RCSD1: variants seen among roughly 807,000 people sequenced by gnomAD.
The protein encoded by RCSD1 is RCSD domain containing 1.
In RCSD1, 26 loss-of-function variants were observed where a neutral mutation model predicts 42.5. The ratio of observed to expected loss-of-function variants is 0.61; its 90% confidence interval spans 0.45 to 0.85. RCSD1 has a LOEUF of 0.85. Among genes scored for constraint, RCSD1 ranks in the 40% least tolerant of loss-of-function variants. RCSD1 has a pLI of 0.00. For missense variants in RCSD1, 571 were observed against 528.3 expected (o/e 1.08, Z -0.79); for synonymous variants, 220 against 212.2 (o/e 1.04, Z -0.32).
chr1:167,644,197 T>G (rs1025323861), intron 1 of RCSD1, among the ~76,000 whole-genome samples: 30 of 152,108 alleles, frequency 2.0e-4, no homozygotes, highest in African/African-American at 7.0e-4. Flanking sequence ...AAATATGTTT[T>G]GGCTGGGCAC....
At chr1:167,657,738 G>A (rs1018455911) in intron 1 of RCSD1, among the ~76,000 whole-genome samples, 2 of 152,134 alleles carry the variant, frequency 1.3e-5, no homozygotes, top group Middle Eastern at 3.4e-3. Context: ...CAAATCAGAC[G>A]TCCTGGAGAG....
chr1:167,691,771 T>C (rs1410316043), intron 4 of RCSD1, among the ~76,000 whole-genome samples: 1 of 152,156 alleles, frequency 6.6e-6, no homozygotes, highest in African/African-American at 2.4e-5. Context: ...GGCTCTGCAG[T>C]GTCTACCTGA....
intron 1 of RCSD1, among the ~76,000 whole-genome samples, chr1:167,640,945 A>C (rs1274265932): frequency 6.6e-6 from 1 of 152,136 alleles, no homozygotes; most frequent in Non-Finnish European, 1.5e-5. Flanking sequence ...GGATTGGAGG[A>C]GTGAATCCTG....
intron 6 of RCSD1, among the ~76,000 whole-genome samples, chr1:167,698,522 C>A (rs1352506229): frequency 6.6e-6 from 1 of 152,104 alleles, no homozygotes; most frequent in East Asian, 1.9e-4. Flanking sequence ...CAGTCCCTGC[C>A]CTCCTGCCTG....
At chr1:167,700,656 A>G (rs1363162767) in intron 6 of RCSD1, among the ~76,000 whole-genome samples, 5 of 152,034 alleles carry the variant, frequency 3.3e-5, no homozygotes, top group African/African-American at 4.8e-5. Context: ...GTCTCAAAAA[A>G]AAAAAAAAAG....
At chr1:167,651,828 C>T (rs528322006) in intron 1 of RCSD1, among the ~76,000 whole-genome samples, 1 of 152,178 alleles carries the variant, frequency 6.6e-6, no homozygotes, top group South Asian at 2.1e-4. Context: ...CTCTGATAGG[C>T]CTTCTCCCCG....
At chr1:167,634,630 A>G (rs1339089058) in intron 1 of RCSD1, among the ~76,000 whole-genome samples, 1 of 152,196 alleles carries the variant, frequency 6.6e-6, no homozygotes, top group Non-Finnish European at 1.5e-5. Flanking sequence ...TGCACTGCCA[A>G]TAGCCTGAGG....
intron 1 of RCSD1, among the ~76,000 whole-genome samples, chr1:167,658,956 C>T (rs555863053): frequency 1.4e-4 from 21 of 152,058 alleles, no homozygotes; most frequent in South Asian, 8.3e-4. Flanking sequence ...ATCGATGTTG[C>T]CAGATTACTT....
chr1:167,701,788 C>T lies in RCSD1; in HGVS notation c.1219-2876C>T, dbSNP rs558813774. ...GGAAGAGGGCACTGTCTCCAGTCCT[C>T]CCTGTTCCTCTTAAACCAGGTCAAG... On this transcript the variant is annotated intron_variant, in intron 6 of 6. Transcript: ENST00000367854. 7.2e-5 allele frequency among the ~76,000 whole-genome samples: 11 copies of T among 152,290 alleles called. No individual in the cohort carries two copies. The East Asian group carries it at 1.9e-3, about 27-fold the overall frequency.
At chr1:167,669,664 A>G (rs1558083048) in intron 1 of RCSD1, among the ~76,000 whole-genome samples, 1 of 152,200 alleles carries the variant, frequency 6.6e-6, no homozygotes, top group South Asian at 2.1e-4. Context: ...CTGAATTATT[A>G]TCATTGATTT....
At chr1:167,698,807 G>T (rs1422905705) in intron 6 of RCSD1, among the ~76,000 whole-genome samples, 1 of 148,614 alleles carries the variant, frequency 6.7e-6, no homozygotes, top group Non-Finnish European at 1.5e-5. Context: ...TTTTGTTTTT[G>T]TTTTTGTTTT....
At chr1:167,683,791 A>G in intron 1 of RCSD1, 109 bp from the exon 2 acceptor site, 5 of 1,042,238 alleles carry the variant, frequency 4.8e-6, no homozygotes, top group Non-Finnish European at 7.2e-6. Context: ...TAATGCTGTT[A>G]AAATACCTCA....
At chr1:167,653,057 C>T (rs1157245337) in intron 1 of RCSD1, among the ~76,000 whole-genome samples, 2 of 152,226 alleles carry the variant, frequency 1.3e-5, no homozygotes, top group African/African-American at 4.8e-5. Flanking sequence ...ATGCTAACAG[C>T]AGTTTTTAAG....
At position 167,706,817 on chromosome 1, in the gene RCSD1, C is replaced by G. The variant is rs1190997407; in HGVS notation, c.*2121C>G. Among the ~76,000 whole-genome samples, 1 of 152,150 alleles carries G rather than the reference C, an allele frequency of 6.6e-6. No homozygotes were observed. The highest frequency in any genetic ancestry group is 2.4e-5 in the African/African-American group (1 of 41,438). On this transcript the variant is annotated 3_prime_UTR_variant, in exon 7 of 7. Transcript: ENST00000367854. Reference sequence around the variant, plus strand: ...GCCCCACTGCTTAAAACTCTCCTTTCTCAAAGCAACCATGATCAGGTGTTT... The same window carrying G: ...GCCCCACTGCTTAAAACTCTCCTTTGTCAAAGCAACCATGATCAGGTGTTT...
At chr1:167,646,446 TAAAA>T (rs10530984) in intron 1 of RCSD1, among the ~76,000 whole-genome samples, 2,978 of 136,738 alleles carry the variant, frequency 0.022, 76 homozygotes, top group African/African-American at 0.068. Context: ...AACACTTTTC[TAAAA>T]AAAAAAAAAA....
intron 1 of RCSD1, among the ~76,000 whole-genome samples, chr1:167,683,500 T>C (rs1262605754): frequency 1.3e-5 from 2 of 152,186 alleles, no homozygotes; most frequent in Admixed American, 6.5e-5. Context: ...CACATATATA[T>C]GTGTTTCAAG....
chr1:167,678,918 G>A (rs189613931), intron 1 of RCSD1, among the ~76,000 whole-genome samples: 14 of 152,272 alleles, frequency 9.2e-5, no homozygotes, highest in Non-Finnish European at 1.3e-4. Flanking sequence ...CAACTCATGT[G>A]CTCTCTCTTC....
rs767780282 is a variant in RCSD1 at position 167,697,780 on chromosome 1, G to A, written c.1156G>A (p.Gly386Ser). The part of the protein sequence containing the change: ...VLEPGCSPQT[G>S]PAQLETSSEV... ...CGAGCCAGGCTGCAGCCCCCAGACC[G>A]GCCCTGCCCAGCTGGAGACCAGCAG... Residue 386 changes from glycine (G) to serine (S), a missense_variant, in exon 6 of 7, where the codon GGC becomes AGC. Gly to Ser is a moderately conservative substitution (Grantham distance 56). Coordinates refer to ENST00000367854, the MANE Select transcript of RCSD1 (RefSeq NM_052862.4). 23 of 1,493,234 alleles carry A rather than the reference G, an allele frequency of 1.5e-5. No homozygotes were observed. Among genetic ancestry groups the A allele is most frequent in the East Asian group, 2.4e-5 (1 of 42,420 alleles). 92.5% of individuals were successfully genotyped at this position (1,493,234 alleles called of 1,614,324 possible).
In RCSD1 at chr1:167,697,568, C is replaced by T. The variant is rs771871255; in HGVS notation, c.944C>T (p.Thr315Ile). The change falls in exon 6 of 7, where the codon ACA (threonine) becomes ATA (isoleucine). Residue 315 changes from threonine (T) to isoleucine (I), a missense_variant. Thr to Ile is a moderately conservative substitution (Grantham distance 89). Coordinates refer to ENST00000367854, the MANE Select transcript of RCSD1 (RefSeq NM_052862.4). ...AGEEAEMEKA[T>I]EVKGERVQNE... ...GAGGAAGCAGAGATGGAAAAGGCTACAGAGGTGAAGGGGGAGAGGGTGCAA... is the reference window on the plus strand; with the variant it reads ...GAGGAAGCAGAGATGGAAAAGGCTATAGAGGTGAAGGGGGAGAGGGTGCAA... The T allele has an allele frequency of 6.2e-7, 1 of 1,607,400 alleles. No homozygotes were observed. Among genetic ancestry groups the T allele is most frequent in the South Asian group, 1.1e-5 (1 of 89,626 alleles).
Sources: allele counts gnomAD v4.1 joint callset (sites outside exome capture counted in the v4.1 genomes callset), GRCh38; gene constraint gnomAD v4.1.1; transcripts MANE v1.5; gene names NCBI Gene and HGNC (gene_info 2026-07-23, HGNC 2026-07-21).